Variants in GANAB observed in about 807,000 individuals in gnomAD.
GANAB encodes glucosidase II alpha subunit.
A neutral mutation model predicts 129.9 loss-of-function variants in GANAB; 35 were observed. That is an observed-to-expected ratio of 0.27 (90% confidence interval 0.21 to 0.36). The LOEUF is 0.36. Among genes scored for constraint, GANAB ranks in the 10% least tolerant of loss-of-function variants. The pLI is 1.00. For missense variants in GANAB, 939 were observed against 1,221.0 expected (o/e 0.77, Z 3.44); for synonymous variants, 482 against 451.8 (o/e 1.07, Z -0.85).
intron 13 of GANAB, 80 bp downstream of exon 13, chr11:62,630,117 G>A: frequency 2.2e-6 from 3 of 1,347,494 alleles, no homozygotes; most frequent in Non-Finnish European, 2.1e-6. Flanking sequence ...ATCAACCATA[G>A]AAGGGTTGGC....
chr11:62,640,894 G>A (rs551799841), intron 1 of GANAB, among the ~76,000 whole-genome samples: 3 of 150,598 alleles, frequency 2.0e-5, no homozygotes, highest in African/African-American at 7.3e-5. Context: ...AGAGGCCCTG[G>A]TGTTGACTCT....
Position 62,646,604 on chromosome 11 carries a change from T to C in GANAB, c.-5A>G, listed in dbSNP as rs1446868967. 10 of 1,613,876 alleles carry C rather than the reference T, an allele frequency of 6.2e-6. No individual in the cohort carries two copies. Among genetic ancestry groups the C allele is most frequent in the Non-Finnish European group, 8.5e-7 (1 of 1,179,972 alleles). ...CACTGCCGCTACCGCCGCCATCTTG[T>C]GCAGAGTTTGCTCCTTGACCCCAAA... On this transcript the variant is annotated 5_prime_UTR_variant, in exon 1 of 24. Transcript: ENST00000356638.
intron 1 of GANAB, among the ~76,000 whole-genome samples, chr11:62,640,230 A>AAAAAAAC (rs1944174320): frequency 2.3e-5 from 1 of 43,928 alleles, no homozygotes; most frequent in Non-Finnish European, 6.1e-5. Flanking sequence ...GAGCTAGACA[A>AAAAAAAC]AAAAAAAAAA....
At chr11:62,638,222 C>T (rs1181925206) in intron 4 of GANAB, among the ~76,000 whole-genome samples, 1 of 152,130 alleles carries the variant, frequency 6.6e-6, no homozygotes, top group African/African-American at 2.4e-5. Flanking sequence ...GACACAATCT[C>T]GGCTCACTGC....
Position 62,630,445 on chromosome 11 carries a change from G to C in GANAB, c.1447C>G (p.Leu483Val). Residue 483 changes from leucine (L) to valine (V), a missense_variant, in exon 12 of 24, where the codon CTG becomes GTG. Leu to Val is a conservative substitution (Grantham distance 32, BLOSUM62 1). This residue lies in a region of GANAB where 220 missense variants were observed against 295.9 expected (regional missense o/e 0.74). Transcript: ENST00000356638. The part of the protein sequence containing the change: ...VDSGYRVHEE[L>V]RNLGLYVKTR... ...TTAACATACAGCCCCAGGTTCCGCA[G>C]CTCCTCGTGAACTCGGTAGCCGGAG... 3 of 1,614,138 alleles carry C rather than the reference G, an allele frequency of 1.9e-6. No individual in the cohort carries two copies. The highest frequency in any genetic ancestry group is 2.5e-6 in the Non-Finnish European group (3 of 1,180,004).
intron 1 of GANAB, among the ~76,000 whole-genome samples, chr11:62,640,659 C>CT (rs1180513857): frequency 6.6e-6 from 1 of 151,514 alleles, no homozygotes; most frequent in African/African-American, 2.4e-5. Flanking sequence ...CGGTGAAACT[C>CT]TGTCTCTATT....
intron 9 of GANAB, among the ~76,000 whole-genome samples, chr11:62,632,241 T>C (rs1590804879): frequency 6.6e-6 from 1 of 152,180 alleles, no homozygotes; most frequent in African/African-American, 2.4e-5. Context: ...CCCAAAGTGC[T>C]GGGATTACAG....
chr11:62,631,870 G>A (rs1943700857), intron 9 of GANAB, among the ~76,000 whole-genome samples: 1 of 151,904 alleles, frequency 6.6e-6, no homozygotes, highest in African/African-American at 2.4e-5. Context: ...TCTTGCCTCA[G>A]CCTCCCCAAG....
chr11:62,628,661 C>T (rs1255394586), intron 17 of GANAB, 108 bp downstream of exon 17: 2 of 1,141,772 alleles, frequency 1.8e-6, no homozygotes, highest in South Asian at 1.4e-5. Context: ...GATTTTCCAT[C>T]CTTTACAAGG....
At chr11:62,638,301 G>A (rs1944040881) in intron 4 of GANAB, among the ~76,000 whole-genome samples, 2 of 152,000 alleles carry the variant, frequency 1.3e-5, no homozygotes, top group African/African-American at 2.4e-5. Context: ...TTACAGGTCC[G>A]CACCACCACA....
At position 62,634,985 on chromosome 11, in the gene GANAB, A is replaced by G. The variant is rs184599105; in HGVS notation, c.396T>C (p.Gly132=). 6 of 1,611,496 alleles carry G rather than the reference A, an allele frequency of 3.7e-6. No individual in the cohort carries two copies. In the East Asian group the frequency reaches 1.1e-4, roughly 30 times the overall value. The change falls in exon 5 of 24, where the codon GGT becomes GGC. Residue 132 remains glycine (G), a synonymous_variant. Transcript: ENST00000356638. ...DPPIARLSVS[G]RDENSVELTM... Reference sequence around the variant, plus strand: ...TTAACTCCACACTGTTCTCATCACGACCAGAGACAGAAAGCCTGGGAAACA... The same window carrying G: ...TTAACTCCACACTGTTCTCATCACGGCCAGAGACAGAAAGCCTGGGAAACA...
Position 62,625,468 on chromosome 11 carries a change from T to TA in GANAB, c.*346dup, listed in dbSNP as rs1393175940. On this transcript the variant is annotated 3_prime_UTR_variant, in exon 24 of 24. Coordinates refer to ENST00000356638, the MANE Select transcript of GANAB (RefSeq NM_198334.3). Reference sequence around the variant, plus strand: ...TCAACATACAAGAGGCATGAATGGATAGACTCTGGGGGAGTTCAGGGCTCC... The same window carrying TA: ...TCAACATACAAGAGGCATGAATGGATAAGACTCTGGGGGAGTTCAGGGCTCC... The TA allele has an allele frequency of 2.5e-6, 1 of 401,594 alleles. No individual in the cohort carries two copies. Among genetic ancestry groups the TA allele is most frequent in the Non-Finnish European group, 4.8e-6 (1 of 209,576 alleles). The allele number at this position is 401,594 out of a possible 1,614,324, so 24.9% of individuals were successfully genotyped here.
intron 19 of GANAB, 56 bp from the exon 20 acceptor site, chr11:62,626,990 C>T (rs370977625): frequency 1.4e-4 from 221 of 1,578,148 alleles, no homozygotes; most frequent in Non-Finnish European, 1.8e-4. Context: ...GGGGTCCCGT[C>T]CTGTTTGCCT....
chr11:62,633,065 C>G lies in GANAB; in HGVS notation c.755G>C (p.Gly252Ala). The G allele has an allele frequency of 6.2e-7, 1 of 1,612,238 alleles. No individual in the cohort carries two copies. Among genetic ancestry groups the G allele is most frequent in the Non-Finnish European group, 8.5e-7 (1 of 1,178,332 alleles). The change falls in exon 8 of 24, where the codon GGC becomes GCC. Residue 252 changes from glycine to alanine, a missense_variant. By Grantham distance (60) the Gly-to-Ala change is moderately conservative. Transcript: ENST00000356638. ...AGGGATCCCATAGACATGCTCCATG[C>G]CTGGCAGAGAGAAGTCCAAACCCAC... ...MSVGLDFSLP[G>A]MEHVYGIPEH...
rs754829169 is a variant in GANAB at position 62,625,749 on chromosome 11, G to T, written c.*66C>A. 113 of 1,036,304 alleles carry T rather than the reference G, an allele frequency of 1.1e-4. 3 individuals are homozygous for T. The highest frequency in any genetic ancestry group is 1.5e-4 in the Non-Finnish European group (101 of 660,786). The allele number at this position is 1,036,304 out of a possible 1,614,324, so 64.2% of individuals were successfully genotyped here. On this transcript the variant is annotated 3_prime_UTR_variant, in exon 24 of 24. Transcript: ENST00000356638. Reference sequence around the variant, plus strand: ...CTGGGGAGGGCCGAACTCCAAGGCAGAAGAAAGAATATCTCTCAGCACTAA... The same window carrying T: ...CTGGGGAGGGCCGAACTCCAAGGCATAAGAAAGAATATCTCTCAGCACTAA...
intron 1 of GANAB, among the ~76,000 whole-genome samples, chr11:62,645,035 AAAC>A (rs1342372564): frequency 6.6e-6 from 1 of 152,088 alleles, no homozygotes; most frequent in Non-Finnish European, 1.5e-5. Context: ...GGAATGTACG[AAAC>A]AACTGTTCCA....
intron 17 of GANAB, 83 bp from the exon 18 acceptor site, chr11:62,627,436 A>G: frequency 2.5e-6 from 2 of 799,068 alleles, no homozygotes; most frequent in South Asian, 2.8e-5. Context: ...TGGCAATAAG[A>G]AAAGAACAGC....
At position 62,630,224 on chromosome 11, in the gene GANAB, A is replaced by G. The variant is rs144221286; in HGVS notation, c.1566T>C (p.Ala522=). The G allele has an allele frequency of 4.3e-6, 7 of 1,613,276 alleles. No individual in the cohort carries two copies. The highest frequency in any genetic ancestry group is 5.9e-6 in the Non-Finnish European group (7 of 1,179,518). The change falls in exon 13 of 24, where the codon GCT becomes GCC. Residue 522 remains alanine (A), a synonymous_variant. Coordinates refer to ENST00000356638, the MANE Select transcript of GANAB (RefSeq NM_198334.3). ...FTNPTMRAWW[A]NMFSYDNYEG... is the part of the protein sequence containing the mutation. Reference sequence around the variant, plus strand: ...CATAATTGTCATAGCTGAACATGTTAGCCCACCAGGCCCTCATCGTGGGAT... The same window carrying G: ...CATAATTGTCATAGCTGAACATGTTGGCCCACCAGGCCCTCATCGTGGGAT...
intron 15 of GANAB, 113 bp downstream of exon 15, chr11:62,629,475 G>T: frequency 1.2e-6 from 1 of 827,094 alleles, no homozygotes; most frequent in Non-Finnish European, 2.0e-6. Flanking sequence ...ATAGCTGAGA[G>T]GAAACAGATG....
Sources: gnomAD v4.1 joint callset for allele counts (sites outside exome capture counted in the v4.1 genomes callset) on GRCh38, gnomAD v4.1.1 for gene constraint, gnomAD v4.1.1 regional missense constraint, MANE v1.5 for transcripts, NCBI Gene and HGNC (gene_info 2026-07-23, HGNC 2026-07-21) for gene names.